ZNF114: variants seen among roughly 807,000 people sequenced by gnomAD.
ZNF114 encodes the protein zinc finger protein 114 (Y18).
In ZNF114, 8 loss-of-function variants were observed where a neutral mutation model predicts 6.8. That is an observed-to-expected ratio of 1.18 (90% CI 0.69 to 2.13). The LOEUF (loss-of-function observed/expected upper bound fraction) is 2.13. Among genes scored for constraint, ZNF114 ranks in the 30% most tolerant of loss-of-function variants. ZNF114 has a pLI of 0.00. For synonymous variants in ZNF114, 169 were observed against 185.5 expected, an observed-to-expected ratio of 0.91 and a Z score of 0.72; for missense variants, 472 against 519.5, an observed-to-expected ratio of 0.91 and a Z score of 0.89.
At position 48,286,617 on chromosome 19, in the gene ZNF114, G is replaced by A. The variant is rs142811373; in HGVS notation, c.993G>A (p.Pro331=). ...RHMKIHTGEK[P]YECGKCGKAF... is the part of the protein sequence containing the mutation. The stretch of plus-strand genomic sequence containing the variant: ...TGAAAATTCACACTGGAGAGAAACC[G>A]TATGAATGTGGGAAATGTGGGAAAG... Residue 331 remains proline (P), a synonymous_variant, in exon 6 of 6, where the codon CCG becomes CCA. Coordinates refer to ENST00000595607, the MANE Select transcript of ZNF114 (RefSeq NM_153608.4). 6.1e-4 allele frequency: 990 copies of A among 1,613,706 alleles called. 2 individuals are homozygous for A. Among genetic ancestry groups the A allele is most frequent in the Non-Finnish European group, 6.9e-4 (809 of 1,179,952 alleles).
intron 5 of ZNF114, among the ~76,000 whole-genome samples, chr19:48,282,974 C>G (rs950191854): frequency 1.1e-4 from 17 of 152,106 alleles, no homozygotes; most frequent in African/African-American, 3.6e-4. Flanking sequence ...CCTCGGCCTC[C>G]GGAAGTGCTG....
chr19:48,280,726 T>A (rs1388439436), intron 4 of ZNF114, among the ~76,000 whole-genome samples: 1 of 151,788 alleles, frequency 6.6e-6, no homozygotes, highest in East Asian at 1.9e-4. Context: ...CTAATTTTTG[T>A]ATTTTTAGTT....
chr19:48,272,792 CT>C (rs1170280344), intron 3 of ZNF114, among the ~76,000 whole-genome samples: 15,988 of 83,328 alleles, frequency 0.19, 453 homozygotes, highest in East Asian at 0.29. Flanking sequence ...CGAGAAAGAG[CT>C]TTTTTTTTTT....
Position 48,286,160 on chromosome 19 carries a change from T to A in ZNF114, c.536T>A (p.Val179Asp). The stretch of plus-strand genomic sequence containing the variant: ...CATGAAAACAACGAAGACGATGGAG[T>A]CTTGGGGTGGAACATTCAGTGGGTT... ...KTHENNEDDG[V>D]LGWNIQWVPC... The change falls in exon 6 of 6, where the codon GTC (valine) becomes GAC (aspartate). Residue 179 changes from valine (V) to aspartate (D), a missense_variant. By Grantham distance (152) the Val-to-Asp change is radical. Transcript: ENST00000595607. 1 of 1,613,576 alleles carries A rather than the reference T, an allele frequency of 6.2e-7. No individual in the cohort carries two copies.
intron 3 of ZNF114, 65 bp from the exon 4 acceptor site, chr19:48,279,666 G>T: frequency 9.0e-7 from 1 of 1,105,504 alleles, no homozygotes. Flanking sequence ...TGTCAGGCAG[G>T]ATCCACATAC....
At chr19:48,279,589 AG>A in intron 3 of ZNF114, 141 bp from the exon 4 acceptor site, 1 of 395,168 alleles carries the variant, frequency 2.5e-6, no homozygotes, top group Non-Finnish European at 4.4e-6. Context: ...GTGGGTGTAG[AG>A]GGGGTGGGGG....
chr19:48,282,344 C>T (rs1345989774), intron 4 of ZNF114, 27 bp from the exon 5 acceptor site: 52 of 1,610,346 alleles, frequency 3.2e-5, no homozygotes, highest in Non-Finnish European at 4.2e-5. Context: ...GACACCCCTC[C>T]GAGCCAAACT....
intron 3 of ZNF114, among the ~76,000 whole-genome samples, chr19:48,274,482 TTATATATATATA>T (rs1160853614): frequency 1.4e-4 from 19 of 139,718 alleles, no homozygotes; most frequent in East Asian, 2.1e-4. Flanking sequence ...AAAAAAACTT[TTATATATATATA>T]TATATATATA....
chr19:48,286,339 C>G lies in ZNF114; in HGVS notation c.715C>G (p.His239Asp). Residue 239 changes from histidine (H) to aspartate (D), a missense_variant, in exon 6 of 6, where the codon CAC (histidine) becomes GAC (aspartate). Transcript: ENST00000595607. Reference protein sequence around the residue: ...AFREDGSLRAHNTHGREKMYD... With the variant: ...AFREDGSLRADNTHGREKMYD... ...CCGTGAAGACGGATCCCTTAGGGCA[C>G]ACAACACTCATGGTCGAGAGAAAAT... is the stretch of plus-strand genomic sequence containing the variant. 1 of 1,614,218 alleles carries G rather than the reference C, an allele frequency of 6.2e-7. No individual in the cohort carries two copies. Among genetic ancestry groups the G allele is most frequent in the East Asian group, 2.2e-5 (1 of 44,890 alleles).
At chr19:48,277,456 A>G (rs1265593685) in intron 3 of ZNF114, among the ~76,000 whole-genome samples, 1 of 152,146 alleles carries the variant, frequency 6.6e-6, no homozygotes, top group African/African-American at 2.4e-5. Context: ...TAAAGGCTTA[A>G]TTTTTCCTCT....
At chr19:48,275,231 G>C (rs1172110335) in intron 3 of ZNF114, among the ~76,000 whole-genome samples, 1 of 138,064 alleles carries the variant, frequency 7.2e-6, no homozygotes, top group Non-Finnish European at 1.6e-5. Flanking sequence ...AGGGAAGGAA[G>C]GAAGGGAGGG....
At chr19:48,279,149 T>C (rs889710840) in intron 3 of ZNF114, among the ~76,000 whole-genome samples, 4 of 151,196 alleles carry the variant, frequency 2.6e-5, no homozygotes, top group African/African-American at 9.7e-5. Flanking sequence ...GATATGCAAA[T>C]TTCACCTCGA....
chr19:48,284,567 A>T (rs373089228), intron 5 of ZNF114, among the ~76,000 whole-genome samples: 18 of 152,190 alleles, frequency 1.2e-4, no homozygotes, highest in African/African-American at 4.3e-4. Context: ...AGTAGCTGGG[A>T]TTACAGGCAC....
chr19:48,272,700 T>TAAAAAAAAAA (rs1555875993), intron 3 of ZNF114, among the ~76,000 whole-genome samples: 7 of 79,364 alleles, frequency 8.8e-5, no homozygotes, highest in East Asian at 5.7e-4. Context: ...AAAAAAAAAG[T>TAAAAAAAAAA]ATTGGATTGG....
chr19:48,285,339 AAC>A (rs1415486817), intron 5 of ZNF114, among the ~76,000 whole-genome samples: 1 of 152,128 alleles, frequency 6.6e-6, no homozygotes, highest in Non-Finnish European at 1.5e-5. Flanking sequence ...CTCAACTGAA[AAC>A]ACAAAAATTA....
chr19:48,275,936 C>A (rs1386144075), intron 3 of ZNF114, among the ~76,000 whole-genome samples: 1 of 143,524 alleles, frequency 7.0e-6, no homozygotes, highest in Non-Finnish European at 1.5e-5. Context: ...GAGCTGAGAT[C>A]GCACCACTGC....
intron 3 of ZNF114, among the ~76,000 whole-genome samples, chr19:48,274,412 CAG>C (rs1401040576): frequency 6.6e-6 from 1 of 150,734 alleles, no homozygotes; most frequent in Non-Finnish European, 1.5e-5. Context: ...AAACGGTCAT[CAG>C]ATGTCACATT....
Position 48,286,895 on chromosome 19 carries a change from T to C in ZNF114, c.*17T>C. ...TGTGAATGAAAGGAAGGTGGAAAAT[T>C]TTTCATTAATTTTCTGACTGTACCA... On this transcript the variant is annotated 3_prime_UTR_variant, in exon 6 of 6. Transcript: ENST00000595607. 6.5e-7 allele frequency: 1 copy of C among 1,535,584 alleles called. No individual in the cohort carries two copies. The highest frequency in any genetic ancestry group is 8.7e-7 in the Non-Finnish European group (1 of 1,148,714).
chr19:48,273,493 C>A (rs934355685), intron 3 of ZNF114, among the ~76,000 whole-genome samples: 2 of 150,718 alleles, frequency 1.3e-5, no homozygotes, highest in East Asian at 1.9e-4. Flanking sequence ...TCAGAACCGG[C>A]GCTCCAATTG....
Sources: gnomAD v4.1 joint callset for allele counts (sites outside exome capture counted in the v4.1 genomes callset) on GRCh38, gnomAD v4.1.1 for gene constraint, MANE v1.5 for transcripts, NCBI Gene and HGNC (gene_info 2026-07-23, HGNC 2026-07-21) for gene names.